SPTA1: variants seen among roughly 807,000 people sequenced by gnomAD.
SPTA1 encodes spectrin alpha, erythrocytic 1, also known as spectrin alpha chain, erythrocytic 1.
Under a neutral mutation model 324.7 loss-of-function variants are expected in SPTA1, and 177 were observed. That is an observed-to-expected ratio of 0.55 (90% confidence interval 0.48 to 0.62). The LOEUF is 0.62. SPTA1 is among the 20% of genes least tolerant of loss of function. SPTA1 has a pLI of 0.00. For missense variants in SPTA1, 3,162 were observed against 2,883.6 expected (o/e 1.10, Z -2.21); for synonymous variants, 1,195 against 1,041.3 (o/e 1.15, Z -2.84).
chr1:158,638,752 A>T (rs1224169776), intron 35 of SPTA1, among the ~76,000 whole-genome samples: 1 of 150,664 alleles, frequency 6.6e-6, no homozygotes, highest in Non-Finnish European at 1.5e-5. Flanking sequence ...TACCAAAAAA[A>T]AAAAAAAAAA....
At position 158,674,388 on chromosome 1, in the gene SPTA1, C is replaced by T; in HGVS notation, c.1291G>A (p.Glu431Lys). The T allele has an allele frequency of 6.2e-7, 1 of 1,614,138 alleles. No homozygotes were observed. Among genetic ancestry groups the T allele is most frequent in the Non-Finnish European group, 8.5e-7 (1 of 1,179,970 alleles). The change falls in exon 10 of 52, where the codon GAG becomes AAG. Residue 431 changes from glutamate (E) to lysine (K), a missense_variant. Transcript: ENST00000643759. ...GCATTCACGAGGTCTTGACCAGTCT[C>T]ATCAGCAGATTGAAATCGGTCATCG... ...SYDDRFQSAD[E>K]TGQDLVNANH... is the part of the protein sequence containing the mutation.
At position 158,669,523 on chromosome 1, in the gene SPTA1, G is replaced by A; in HGVS notation, c.1718C>T (p.Thr573Ile). 2 of 1,614,078 alleles carry A rather than the reference G, an allele frequency of 1.2e-6. No homozygotes were observed. The highest frequency in any genetic ancestry group is 8.5e-7 in the Non-Finnish European group (1 of 1,179,990). The change falls in exon 14 of 52, where the codon ACT (threonine) becomes ATT (isoleucine). Residue 573 changes from threonine to isoleucine, a missense_variant. Coordinates refer to ENST00000643759, the MANE Select transcript of SPTA1 (RefSeq NM_003126.4). ...RRDALREKAATRRRLLKESLL... is the reference protein window; with the variant it reads ...RRDALREKAAIRRRLLKESLL... Reference sequence around the variant, plus strand: ...TGACTCCTTCAGCAATCTACGTCTAGTGGCAGCCTTTTCACGTAGGGCATC... The same window carrying A: ...TGACTCCTTCAGCAATCTACGTCTAATGGCAGCCTTTTCACGTAGGGCATC...
intron 20 of SPTA1, 147 bp from the exon 21 acceptor site, chr1:158,654,895 T>A: frequency 9.1e-7 from 1 of 1,096,756 alleles, no homozygotes; most frequent in Non-Finnish European, 1.3e-6. Flanking sequence ...TTAAAGTATG[T>A]GGTCTTCAGA....
rs1654064341 is a variant in SPTA1, at chr1:158,672,097, CTCTG to C, written c.1446_1449del (p.Tyr482Ter). The C allele has an allele frequency of 3.1e-6, 5 of 1,614,056 alleles. No homozygotes were observed. The highest frequency in any genetic ancestry group is 3.4e-6 in the Non-Finnish European group (4 of 1,179,970). On this transcript the variant is annotated frameshift_variant, in exon 11 of 52. Transcript: ENST00000643759. LOFTEE classifies it high-confidence loss of function. Reference sequence around the variant, plus strand: ...ATCCAACTGTCCACTTGCTCACTGTCTCTGTAGAAGAGATGAAAGTCCAAGCACT... The same window carrying C: ...ATCCAACTGTCCACTTGCTCACTGTCTAGAAGAGATGAAAGTCCAAGCACT...
chr1:158,622,302 C>T (rs1185052903), intron 43 of SPTA1, among the ~76,000 whole-genome samples: 2 of 151,484 alleles, frequency 1.3e-5, no homozygotes, highest in Non-Finnish European at 2.9e-5. Context: ...TATATTAATC[C>T]ATATTAATCA....
At chr1:158,658,633 T>A (rs555879010) in intron 18 of SPTA1, among the ~76,000 whole-genome samples, 1 of 151,858 alleles carries the variant, frequency 6.6e-6, no homozygotes, top group South Asian at 2.1e-4. Context: ...ACAAAACAGA[T>A]CCAAGGAGCT....
chr1:158,656,721 T>G, intron 19 of SPTA1, 65 bp from the exon 20 acceptor site: 3 of 1,414,286 alleles, frequency 2.1e-6, no homozygotes, highest in Non-Finnish European at 3.0e-6. Context: ...TCAACTACTA[T>G]TATTTTGGGT....
intron 50 of SPTA1, 65 bp from the exon 51 acceptor site, chr1:158,613,026 C>T: frequency 6.4e-7 from 1 of 1,556,202 alleles, no homozygotes; most frequent in Non-Finnish European, 8.8e-7. Flanking sequence ...CCTTTTTAAT[C>T]CTACTCAGTG....
At chr1:158,625,990 GA>G (rs557664149) in intron 42 of SPTA1, among the ~76,000 whole-genome samples, 155 bp downstream of exon 42, 1 of 151,544 alleles carries the variant, frequency 6.6e-6, no homozygotes, top group Admixed American at 6.6e-5. Context: ...GAGAGAGAGG[GA>G]AAAAATAATA....
At chr1:158,617,476 T>C in intron 47 of SPTA1, 61 bp downstream of exon 47, 2 of 1,450,398 alleles carry the variant, frequency 1.4e-6, no homozygotes. Context: ...CCTTAGGTGA[T>C]TATTTTTACA....
At chr1:158,682,602 T>A in intron 3 of SPTA1, among the ~76,000 whole-genome samples, 1 of 152,298 alleles carries the variant, frequency 6.6e-6, no homozygotes, top group African/African-American at 2.4e-5. Context: ...TTATGCTATA[T>A]ATAGAAAGGC....
chr1:158,663,474 C>T (rs181721205), intron 16 of SPTA1, among the ~76,000 whole-genome samples: 34 of 152,290 alleles, frequency 2.2e-4, no homozygotes, highest in Non-Finnish European at 3.7e-4. Context: ...TTGCCACCAG[C>T]TAGTTGTCCT....
intron 27 of SPTA1, among the ~76,000 whole-genome samples, chr1:158,647,174 C>A (rs942488975): frequency 1.3e-5 from 2 of 152,148 alleles, no homozygotes; most frequent in Non-Finnish European, 2.9e-5. Flanking sequence ...TTCTACCCAA[C>A]TCTGAATTCC....
chr1:158,617,597 G>T lies in SPTA1; in HGVS notation c.6549-9C>A. ...TTTCTTTGAGCAATGATCTAGTTAA[G>T]AACCGAAGGAAATCATTATGCATCA... On this transcript the variant is annotated splice_polypyrimidine_tract_variant and intron_variant, in intron 46 of 51. Coordinates refer to ENST00000643759, the MANE Select transcript of SPTA1 (RefSeq NM_003126.4). 6.2e-7 allele frequency: 1 copy of T among 1,610,196 alleles called. No homozygotes were observed. Among genetic ancestry groups the T allele is most frequent in the Non-Finnish European group, 8.5e-7 (1 of 1,176,544 alleles).
intron 51 of SPTA1, chr1:158,611,797 C>A: frequency 5.0e-6 from 1 of 201,198 alleles, no homozygotes. Flanking sequence ...AGTGGTTACA[C>A]TGCCAGAAAG....
chr1:158,676,369 G>T, intron 7 of SPTA1, 74 bp from the exon 8 acceptor site: 2 of 1,508,174 alleles, frequency 1.3e-6, no homozygotes, highest in Non-Finnish European at 1.8e-6. Context: ...TGTGGGAGAG[G>T]TATAAAAAAT....
At position 158,645,402 on chromosome 1, in the gene SPTA1, G is replaced by C. The variant is rs747622565; in HGVS notation, c.3997-17C>G. ...ACGGTGCTCCTGTGGGAAAAAGGGG[G>C]AAGAAATCAGTGAGGCCAACTCCAT... On this transcript the variant is annotated splice_polypyrimidine_tract_variant and intron_variant, in intron 28 of 51. Coordinates refer to ENST00000643759, the MANE Select transcript of SPTA1 (RefSeq NM_003126.4). 1.2e-6 allele frequency: 2 copies of C among 1,613,944 alleles called. No individual in the cohort carries two copies. The highest frequency in any genetic ancestry group is 8.5e-7 in the Non-Finnish European group (1 of 1,179,934).
intron 18 of SPTA1, among the ~76,000 whole-genome samples, chr1:158,659,069 G>A (rs1299220272): frequency 6.6e-6 from 1 of 151,982 alleles, no homozygotes; most frequent in Non-Finnish European, 1.5e-5. Context: ...AAGAATACTG[G>A]AAATGGGAAC....
At chr1:158,616,217 A>G (rs1266665559) in intron 47 of SPTA1, among the ~76,000 whole-genome samples, 1 of 152,186 alleles carries the variant, frequency 6.6e-6, no homozygotes, top group Non-Finnish European at 1.5e-5. Flanking sequence ...TTGGATGTCT[A>G]TTACCTTAAA....
Sources: gnomAD v4.1 joint callset for allele counts (sites outside exome capture counted in the v4.1 genomes callset) on GRCh38, gnomAD v4.1.1 for gene constraint, MANE v1.5 for transcripts, NCBI Gene and HGNC (gene_info 2026-07-23, HGNC 2026-07-21) for gene names.